The following FBXL13 variants were observed in gnomAD, a reference collection of about 807,000 sequenced individuals.
The protein encoded by FBXL13 is F-box and leucine-rich repeat protein 13.
Under a neutral mutation model 83.6 loss-of-function variants are expected in FBXL13, and 67 were observed. The observed-to-expected ratio is 0.80, with a 90% CI of 0.66 to 0.98. FBXL13 has a LOEUF of 0.98. FBXL13 is among the 50% of genes least tolerant of loss of function. The probability of loss-of-function intolerance (pLI) is 0.00; values close to 1 mark genes in which losing one functional copy is unlikely to be tolerated. For synonymous variants in FBXL13, 272 were observed against 299.5 expected (o/e 0.91, Z 0.95); for missense variants, 822 against 866.5 (o/e 0.95, Z 0.64).
chr7:102,896,364 A>G (rs941558529), intron 11 of FBXL13, among the ~76,000 whole-genome samples: 2 of 152,226 alleles, frequency 1.3e-5, no homozygotes, highest in African/African-American at 4.8e-5. Flanking sequence ...GCAAGAGATC[A>G]TGGTAACTTG....
intron 8 of FBXL13, among the ~76,000 whole-genome samples, chr7:102,948,325 A>G (rs1822857142): frequency 6.6e-6 from 1 of 152,050 alleles, no homozygotes; most frequent in Non-Finnish European, 1.5e-5. Context: ...CAGCTTCCCA[A>G]TGTGCTGGGA....
intron 18 of FBXL13, among the ~76,000 whole-genome samples, chr7:102,826,004 G>T (rs191369120): frequency 1.3e-5 from 2 of 152,294 alleles, no homozygotes; most frequent in East Asian, 3.9e-4. Context: ...ATAAATGGTA[G>T]CTATAATTAT....
intron 2 of FBXL13, among the ~76,000 whole-genome samples, chr7:103,042,363 AG>A (rs1795812071): frequency 6.6e-6 from 1 of 152,244 alleles, no homozygotes; most frequent in Non-Finnish European, 1.5e-5. Context: ...GCTCATGGAT[AG>A]GAAGAATCAG....
chr7:102,922,425 G>C (rs1817230895), intron 10 of FBXL13, among the ~76,000 whole-genome samples: 1 of 151,772 alleles, frequency 6.6e-6, no homozygotes, highest in Non-Finnish European at 1.5e-5. Context: ...TTTAATTATT[G>C]GTTTACTGAT....
In FBXL13 at chr7:102,944,395, C is replaced by T; in HGVS notation, c.725-12462G>A. ...CTGGTTAAAGCACCACTACAATGTC[C>T]ATTTTAATGGCCTGGAATGCAAAAC... On this transcript the variant is annotated intron_variant, in intron 8 of 19. Coordinates refer to ENST00000313221, the Ensembl canonical transcript of FBXL13. 6.2e-7 allele frequency: 1 copy of T among 1,614,012 alleles called. No individual in the cohort carries two copies. The highest frequency in any genetic ancestry group is 8.5e-7 in the Non-Finnish European group (1 of 1,179,942).
chr7:102,821,000 CAAT>C (rs1798731866), intron 19 of FBXL13, among the ~76,000 whole-genome samples: 1 of 152,148 alleles, frequency 6.6e-6, no homozygotes, highest in Non-Finnish European at 1.5e-5. Context: ...ATTAGAAATT[CAAT>C]AATATTACCT....
intron 16 of FBXL13, among the ~76,000 whole-genome samples, chr7:102,859,087 C>T (rs1481269344): frequency 2.0e-5 from 3 of 152,128 alleles, no homozygotes; most frequent in Non-Finnish European, 2.9e-5. Context: ...CTACAGCATC[C>T]TTAAGTCCAA....
At chr7:102,940,685 A>G (rs1358676832) in intron 8 of FBXL13, among the ~76,000 whole-genome samples, 2 of 152,216 alleles carry the variant, frequency 1.3e-5, no homozygotes, top group Admixed American at 6.5e-5. Flanking sequence ...ATCAAGACCA[A>G]TTCTCTTTCC....
chr7:102,886,063 C>A (rs567712421), intron 11 of FBXL13, among the ~76,000 whole-genome samples: 7 of 152,286 alleles, frequency 4.6e-5, no homozygotes, highest in Non-Finnish European at 8.8e-5. Flanking sequence ...CTATCATTAT[C>A]CACATTAATG....
chr7:102,974,044 A>C (rs1352925057), intron 6 of FBXL13, among the ~76,000 whole-genome samples: 1 of 152,116 alleles, frequency 6.6e-6, no homozygotes, highest in Non-Finnish European at 1.5e-5. Flanking sequence ...CAGTTATGGG[A>C]AACTCCCCAT....
At chr7:103,048,545 T>C (rs762062602) in intron 2 of FBXL13, among the ~76,000 whole-genome samples, 1 of 152,184 alleles carries the variant, frequency 6.6e-6, no homozygotes, top group Non-Finnish European at 1.5e-5. Context: ...CCCCAATTTT[T>C]AATAAAACCT....
Position 102,854,779 on chromosome 7 carries a change from G to A in FBXL13, c.1717C>T (p.Gln573Ter), listed in dbSNP as rs1038486080. ...ACAGATGATCTTAATGATCTTACCT[G>A]AATTCCATCATCAGTGATTCTATAA... The change falls in exon 17 of 20, where the codon CAG (glutamine) becomes TAG (stop). Residue 573 changes from glutamine to a stop codon, truncating the protein, a stop_gained and splice_region_variant. Coordinates refer to ENST00000313221, the Ensembl canonical transcript of FBXL13. LOFTEE classifies it high-confidence loss of function. The A allele has an allele frequency of 6.4e-7, 1 of 1,556,288 alleles. No individual in the cohort carries two copies. The highest frequency in any genetic ancestry group is 8.7e-7 in the Non-Finnish European group (1 of 1,144,152).
intron 10 of FBXL13, among the ~76,000 whole-genome samples, chr7:102,924,283 G>A (rs1192079223): frequency 2.6e-5 from 4 of 151,254 alleles, no homozygotes; most frequent in Non-Finnish European, 5.9e-5. Flanking sequence ...CTTAGGTACT[G>A]CAAAAAAACA....
chr7:102,986,436 C>T (rs781413347), intron 6 of FBXL13, among the ~76,000 whole-genome samples: 5 of 152,114 alleles, frequency 3.3e-5, no homozygotes, highest in Admixed American at 2.6e-4. Flanking sequence ...TGGCAACTGA[C>T]GATCAAAAGA....
intron 11 of FBXL13, among the ~76,000 whole-genome samples, chr7:102,905,353 A>G (rs940310487): frequency 6.6e-6 from 1 of 152,150 alleles, no homozygotes; most frequent in Admixed American, 6.5e-5. Context: ...CTTCTTTATC[A>G]TTACATAGTG....
intron 17 of FBXL13, among the ~76,000 whole-genome samples, chr7:102,835,603 GTT>G (rs776220490): frequency 0.018 from 1,789 of 97,156 alleles, 8 homozygotes; most frequent in East Asian, 0.13. Flanking sequence ...AGGTGACATT[GTT>G]TTTTTTTTTT....
chr7:103,007,865 G>A (rs1052775844), intron 6 of FBXL13, among the ~76,000 whole-genome samples: 2 of 152,134 alleles, frequency 1.3e-5, no homozygotes, highest in Non-Finnish European at 2.9e-5. Flanking sequence ...AGTGTGGAAA[G>A]GATATCCAAT....
chr7:102,821,674 A>G (rs922051385), intron 19 of FBXL13, among the ~76,000 whole-genome samples: 1 of 152,220 alleles, frequency 6.6e-6, no homozygotes, highest in African/African-American at 2.4e-5. Context: ...TTTTGCCCTC[A>G]GTCAAGAGGC....
intron 2 of FBXL13, chr7:103,050,002 C>G (rs1301107842): frequency 6.6e-6 from 1 of 152,204 alleles, no homozygotes; most frequent in African/African-American, 2.4e-5. Flanking sequence ...GCTACAAGGT[C>G]AAGCGCCTAA....
Sources: gnomAD v4.1 joint callset for allele counts (sites outside exome capture counted in the v4.1 genomes callset) on GRCh38, gnomAD v4.1.1 for gene constraint, MANE v1.5 for transcripts, NCBI Gene and HGNC (gene_info 2026-07-23, HGNC 2026-07-21) for gene names.